Variants in C8orf34 observed in about 807,000 individuals in gnomAD.
C8orf34 encodes the protein chromosome 8 open reading frame 34.
In C8orf34, 65 loss-of-function variants were observed where a neutral mutation model predicts 68.3. The ratio of observed to expected loss-of-function variants is 0.95; its 90% CI spans 0.78 to 1.17. The LOEUF is 1.17. C8orf34 is among the 50% of genes most tolerant of loss of function. The pLI is 0.00. For synonymous variants in C8orf34, 244 were observed against 241.2 expected (o/e 1.01, Z -0.11); for missense variants, 664 against 655.4 (o/e 1.01, Z -0.14).
intron 3 of C8orf34, among the ~76,000 whole-genome samples, chr8:68,448,778 T>C (rs1031795731): frequency 6.6e-6 from 1 of 152,174 alleles, no homozygotes; most frequent in African/African-American, 2.4e-5. Flanking sequence ...ATAGATTTTT[T>C]AAAATATAAG....
chr8:68,805,298 G>A (rs1824449558), intron 12 of C8orf34, among the ~76,000 whole-genome samples: 1 of 152,182 alleles, frequency 6.6e-6, no homozygotes, highest in Admixed American at 6.5e-5. Context: ...GAAAACAATG[G>A]TAAAATGTAT....
intron 8 of C8orf34, among the ~76,000 whole-genome samples, chr8:68,670,373 A>G (rs1819970355): frequency 6.6e-6 from 1 of 152,218 alleles, no homozygotes; most frequent in Non-Finnish European, 1.5e-5. Context: ...CTTCCCTAGG[A>G]ATTTCATCAA....
chr8:68,462,516 T>A (rs1286498411), intron 3 of C8orf34, among the ~76,000 whole-genome samples: 4 of 151,324 alleles, frequency 2.6e-5, no homozygotes, highest in African/African-American at 9.7e-5. Context: ...CCACACCTAT[T>A]CCAAAATTGA....
chr8:68,743,448 A>C (rs1204057138), intron 10 of C8orf34, among the ~76,000 whole-genome samples: 2 of 152,136 alleles, frequency 1.3e-5, no homozygotes, highest in African/African-American at 4.8e-5. Flanking sequence ...TTTCCATCTG[A>C]GGTACCAGGT....
intron 2 of C8orf34, among the ~76,000 whole-genome samples, chr8:68,445,656 A>G (rs868306660): frequency 2.0e-5 from 3 of 152,232 alleles, no homozygotes; most frequent in African/African-American, 4.8e-5. Flanking sequence ...GTCATGATAG[A>G]TAAGGTGGCA....
chr8:68,526,189 G>A (rs966100558), intron 6 of C8orf34, among the ~76,000 whole-genome samples: 1 of 151,772 alleles, frequency 6.6e-6, no homozygotes, highest in Non-Finnish European at 1.5e-5. Flanking sequence ...TTGTATTCCT[G>A]GATTCAAGCA....
rs564945837 is a variant in C8orf34, at chr8:68,777,481, G to A, written c.1455+1032G>A. The stretch of plus-strand genomic sequence containing the variant: ...GTGTAAATGCTCAATGTGGCAAGAA[G>A]GTGGAGAATTTATGCCTTTTCACTT... On this transcript the variant is annotated intron_variant, in intron 11 of 13. Transcript: ENST00000518698. 4.0e-4 allele frequency among the ~76,000 whole-genome samples: 61 copies of A among 152,342 alleles called. 1 individual carries two copies. The Middle Eastern group carries it at 0.01, about 25-fold the overall frequency.
At chr8:68,738,867 C>T (rs551069594) in intron 10 of C8orf34, among the ~76,000 whole-genome samples, 13 of 152,248 alleles carry the variant, frequency 8.5e-5, no homozygotes, top group Non-Finnish European at 1.3e-4. Context: ...CAAAGAAAAT[C>T]TCATACCATT....
At chr8:68,622,977 C>A (rs1286561823) in intron 7 of C8orf34, among the ~76,000 whole-genome samples, 1 of 152,154 alleles carries the variant, frequency 6.6e-6, no homozygotes, top group Non-Finnish European at 1.5e-5. Context: ...AAAGCAGAGA[C>A]CCTTGCGGAG....
intron 10 of C8orf34, among the ~76,000 whole-genome samples, chr8:68,774,225 A>T (rs1006170118): frequency 6.6e-6 from 1 of 151,680 alleles, no homozygotes; most frequent in Admixed American, 6.6e-5. Context: ...GCCAAATTGG[A>T]ACAGCCCATA....
At chr8:68,493,755 C>T (rs1813409536) in intron 5 of C8orf34, among the ~76,000 whole-genome samples, 1 of 152,044 alleles carries the variant, frequency 6.6e-6, no homozygotes, top group African/African-American at 2.4e-5. Context: ...TATGAAAGGG[C>T]TTGAGGAAAC....
intron 7 of C8orf34, among the ~76,000 whole-genome samples, chr8:68,578,326 T>C (rs984351075): frequency 1.3e-5 from 2 of 152,156 alleles, no homozygotes; most frequent in Admixed American, 6.6e-5. Flanking sequence ...GAAAGTAACA[T>C]GACTTCATTT....
At chr8:68,675,170 T>G (rs1285744876) in intron 8 of C8orf34, among the ~76,000 whole-genome samples, 3 of 152,000 alleles carry the variant, frequency 2.0e-5, no homozygotes, top group Non-Finnish European at 4.4e-5. Flanking sequence ...TTCTTCAATC[T>G]GAAAGAAAAA....
At chr8:68,540,528 A>T (rs1233739000) in intron 7 of C8orf34, among the ~76,000 whole-genome samples, 2 of 152,004 alleles carry the variant, frequency 1.3e-5, no homozygotes, top group Non-Finnish European at 2.9e-5. Flanking sequence ...AGACATTTTG[A>T]GAGGACTCTG....
At chr8:68,435,088 C>G (rs191316271) in intron 1 of C8orf34, among the ~76,000 whole-genome samples, 1 of 148,770 alleles carries the variant, frequency 6.7e-6, no homozygotes, top group Non-Finnish European at 1.5e-5. Context: ...ATTTTATTAT[C>G]AGAAAATATA....
chr8:68,686,572 G>T (rs942555711), intron 8 of C8orf34, among the ~76,000 whole-genome samples: 1 of 151,984 alleles, frequency 6.6e-6, no homozygotes, highest in Non-Finnish European at 1.5e-5. Context: ...ATAAAATCCA[G>T]CATCCTTTTA....
intron 1 of C8orf34, among the ~76,000 whole-genome samples, chr8:68,374,174 C>A (rs1206158081): frequency 6.6e-6 from 1 of 152,114 alleles, no homozygotes; most frequent in Non-Finnish European, 1.5e-5. Flanking sequence ...CTCGACCTCC[C>A]AAAGTGCTAG....
chr8:68,435,468 G>A (rs1022830256), intron 1 of C8orf34, among the ~76,000 whole-genome samples: 7 of 152,122 alleles, frequency 4.6e-5, no homozygotes, highest in African/African-American at 1.2e-4. Context: ...CAGCAGGGAA[G>A]CATGTGGTTC....
intron 1 of C8orf34, among the ~76,000 whole-genome samples, chr8:68,357,145 C>T (rs762144301): frequency 9.9e-5 from 15 of 151,760 alleles, no homozygotes; most frequent in Admixed American, 1.3e-4. Context: ...AAAATATAAT[C>T]GTCTTAGTAT....
Sources: allele counts gnomAD v4.1 joint callset (sites outside exome capture counted in the v4.1 genomes callset), GRCh38; gene constraint gnomAD v4.1.1; transcripts MANE v1.5; gene names NCBI Gene and HGNC (gene_info 2026-07-23, HGNC 2026-07-21).